ENPP3: variants seen among roughly 807,000 people sequenced by gnomAD.
The protein encoded by ENPP3 is ectonucleotide pyrophosphatase/phosphodiesterase 3.
A neutral mutation model predicts 117.8 loss-of-function variants in ENPP3; 104 were observed. The ratio of observed to expected loss-of-function variants is 0.88; its 90% CI spans 0.75 to 1.04. The LOEUF (loss-of-function observed/expected upper bound fraction) is 1.04, where lower values mean the gene tolerates loss of function less well. Among genes scored for constraint, ENPP3 ranks in the 50% least tolerant of loss-of-function variants. ENPP3 has a pLI of 0.00. For missense variants in ENPP3, 1,026 were observed against 1,051.9 expected, an observed-to-expected ratio of 0.98 and a Z score of 0.34; for synonymous variants, 380 against 349.9, an observed-to-expected ratio of 1.09 and a Z score of -0.96.
chr6:131,741,404 T>C (rs1198475796), intron 24 of ENPP3, among the ~76,000 whole-genome samples: 1 of 152,088 alleles, frequency 6.6e-6, no homozygotes, highest in East Asian at 1.9e-4. Context: ...AACTAAAAAG[T>C]AAAAGAGGTT....
At chr6:131,701,952 G>A (rs1440692045) in intron 15 of ENPP3, among the ~76,000 whole-genome samples, 2 of 150,278 alleles carry the variant, frequency 1.3e-5, no homozygotes, top group Admixed American at 6.6e-5. Context: ...TTTTTATTAC[G>A]TTAATTTTTT....
At chr6:131,709,988 C>T in intron 15 of ENPP3, 1 of 1,601,616 alleles carries the variant, frequency 6.2e-7, no homozygotes, top group Admixed American at 1.7e-5. Context: ...TTGTCCACTT[C>T]AGATAACTGA....
rs1442484080 is a variant in ENPP3, at chr6:131,677,917, G to T, written c.988G>T (p.Ala330Ser). 2 of 1,610,886 alleles carry T rather than the reference G, an allele frequency of 1.2e-6. No homozygotes were observed. Among genetic ancestry groups the T allele is most frequent in the African/African-American group, 1.3e-5 (1 of 74,924 alleles). ...TGAAGAACCTGATTCCTCTGGACAT[G>T]CAGGTGGACCAGTCAGTGCCAGAGT... ...YFEEPDSSGH[A>S]GGPVSARVIK... The change falls in exon 11 of 25, where the codon GCA (alanine) becomes TCA (serine). Residue 330 changes from alanine (A) to serine (S), a missense_variant. Transcript: ENST00000357639.
At chr6:131,737,708 TC>T (rs1447198124) in intron 22 of ENPP3, among the ~76,000 whole-genome samples, 2 of 152,142 alleles carry the variant, frequency 1.3e-5, no homozygotes, top group Non-Finnish European at 2.9e-5. Context: ...TAAATGTTTA[TC>T]CCCAGAGTAA....
rs9493037 is a variant in ENPP3 at position 131,647,916 on chromosome 6, A to G, written c.155-2111A>G. Among the ~76,000 whole-genome samples the G allele has an allele frequency of 5.4e-3, 825 of 152,218 alleles. 6 individuals are homozygous for G. Among genetic ancestry groups the G allele is most frequent in the African/African-American group, 0.019 (770 of 41,546 alleles). On this transcript the variant is annotated intron_variant, in intron 2 of 24. Coordinates refer to ENST00000357639, the MANE Select transcript of ENPP3 (RefSeq NM_005021.5). ...AAATAGCTAAGATTATCATCACATT[A>G]TTGTATATTCTTGTAGAAATTTTAT...
At chr6:131,723,827 T>TCTCACACACACA (rs367662326) in intron 18 of ENPP3, among the ~76,000 whole-genome samples, 3 of 145,950 alleles carry the variant, frequency 2.1e-5, no homozygotes, top group African/African-American at 7.8e-5. Context: ...TCTCTCTCTC[T>TCTCACACACACA]CACACACACA....
intron 15 of ENPP3, among the ~76,000 whole-genome samples, chr6:131,702,144 T>C (rs1421514944): frequency 6.6e-6 from 1 of 152,182 alleles, no homozygotes; most frequent in Admixed American, 6.5e-5. Flanking sequence ...TTTTCCTTGG[T>C]CGTATTATTC....
intron 6 of ENPP3, among the ~76,000 whole-genome samples, chr6:131,663,715 C>T (rs1778554651): frequency 6.6e-6 from 1 of 151,364 alleles, no homozygotes; most frequent in Admixed American, 6.6e-5. Flanking sequence ...AAAATCCTAT[C>T]ACCTAGTGAT....
intron 1 of ENPP3, among the ~76,000 whole-genome samples, chr6:131,639,855 A>G (rs1465914845): frequency 6.6e-6 from 1 of 152,166 alleles, no homozygotes; most frequent in East Asian, 1.9e-4. Flanking sequence ...GGCGGGGCAC[A>G]GTGGCTAGTG....
intron 12 of ENPP3, among the ~76,000 whole-genome samples, chr6:131,683,763 T>TC (rs1317642151): frequency 6.6e-6 from 1 of 150,642 alleles, no homozygotes; most frequent in African/African-American, 2.5e-5. Context: ...TTTTTTTTTT[T>TC]TTTTTGAGAT....
At chr6:131,658,491 CT>C in intron 6 of ENPP3, 71 bp downstream of exon 6, 1 of 826,508 alleles carries the variant, frequency 1.2e-6, no homozygotes. Flanking sequence ...GAGGATGCAA[CT>C]TTCTTTCTGA....
intron 15 of ENPP3, among the ~76,000 whole-genome samples, chr6:131,717,316 TCGA>T (rs1304327083): frequency 4.0e-5 from 6 of 151,262 alleles, no homozygotes; most frequent in Non-Finnish European, 5.9e-5. Flanking sequence ...GTTAGTCGAG[TCGA>T]GTTTGTAAAA....
At position 131,724,160 on chromosome 6, in the gene ENPP3, G is replaced by A. The variant is rs1244182018; in HGVS notation, c.1798+69G>A. 3.9e-6 allele frequency: 4 copies of A among 1,038,064 alleles called. No homozygotes were observed. In the African/African-American group the frequency reaches 6.9e-5, roughly 18 times the overall value. 64.3% of individuals were successfully genotyped at this position (1,038,064 alleles called of 1,614,324 possible). On this transcript the variant is annotated intron_variant, in intron 19 of 24. Coordinates refer to ENST00000357639, the MANE Select transcript of ENPP3 (RefSeq NM_005021.5). ...AACAAAACACAATGTGGCCCTTTTA[G>A]GACTCTCCAAAATAAGCTGACAGAG... is the stretch of plus-strand genomic sequence containing the variant.
At chr6:131,642,955 A>G (rs920231301) in intron 2 of ENPP3, 8 of 152,216 alleles carry the variant, frequency 5.3e-5, no homozygotes, top group Admixed American at 1.3e-4. Context: ...TATACTGCCA[A>G]TGCACAAAGC....
rs112607344 is a variant in ENPP3, at chr6:131,718,956, G to A, written c.1479+218G>A. ...ATGTTCAAGGTTCTTGAATACATCT[G>A]TGAACAAAACAGATTAAGATCCTGC... On this transcript the variant is annotated intron_variant, in intron 16 of 24. Coordinates refer to ENST00000357639, the MANE Select transcript of ENPP3 (RefSeq NM_005021.5). 2.8e-3 allele frequency among the ~76,000 whole-genome samples: 428 copies of A among 152,258 alleles called. 4 individuals are homozygous for A. The highest frequency in any genetic ancestry group is 9.9e-3 in the African/African-American group (413 of 41,538).
chr6:131,746,664 A>G (rs1293698591), intron 24 of ENPP3, 122 bp from the exon 25 acceptor site: 3 of 744,740 alleles, frequency 4.0e-6, no homozygotes, highest in African/African-American at 3.7e-5. Context: ...TAGCTGTATC[A>G]AATTAAGATT....
At chr6:131,667,956 T>C in intron 6 of ENPP3, among the ~76,000 whole-genome samples, 1 of 152,154 alleles carries the variant, frequency 6.6e-6, no homozygotes, top group Non-Finnish European at 1.5e-5. Context: ...CTGCAGAGCT[T>C]ATTATTCTTT....
In ENPP3 at chr6:131,723,992, T is replaced by C. The variant is rs148583251; in HGVS notation, c.1747-48T>C. On this transcript the variant is annotated intron_variant, in intron 18 of 24. Transcript: ENST00000357639. ...TGATTACCCCTTAAAACACATATTG[T>C]TGCTTTGACTTATTTCCTCCCCTTT... is the stretch of plus-strand genomic sequence containing the variant. 2,139 of 1,375,356 alleles carry C rather than the reference T, an allele frequency of 1.6e-3. 24 individuals carry two copies. In the African/African-American group the frequency reaches 0.026, roughly 16 times the overall value. 85.2% of individuals were successfully genotyped at this position (1,375,356 alleles called of 1,614,324 possible).
intron 16 of ENPP3, among the ~76,000 whole-genome samples, chr6:131,719,165 A>G (rs1779961019): frequency 1.3e-5 from 2 of 152,118 alleles, no homozygotes; most frequent in Admixed American, 1.3e-4. Flanking sequence ...ATAGGGTGGA[A>G]AGAGTAAGAG....
Sources: allele counts gnomAD v4.1 joint callset (sites outside exome capture counted in the v4.1 genomes callset), GRCh38; gene constraint gnomAD v4.1.1; transcripts MANE v1.5; gene names NCBI Gene and HGNC (gene_info 2026-07-23, HGNC 2026-07-21).